The following RNF150 variants were observed in gnomAD, a reference collection of about 807,000 sequenced individuals.
The protein encoded by RNF150 is ring finger protein 150.
RNF150 carries 24 observed loss-of-function variants against 39.3 expected under a neutral mutation model. The observed-to-expected ratio is 0.61, with a 90% CI of 0.44 to 0.86. RNF150 has a LOEUF of 0.86. Ranked by LOEUF, RNF150 falls within the 40% of genes least tolerant of loss-of-function variation. RNF150 has a pLI of 0.00. For synonymous variants in RNF150, 255 were observed against 227.3 expected (o/e 1.12, Z -1.10); for missense variants, 502 against 587.8 (o/e 0.85, Z 1.51).
chr4:141,056,119 A>T (rs2110904853), intron 1 of RNF150, among the ~76,000 whole-genome samples: 1 of 152,350 alleles, frequency 6.6e-6, no homozygotes, highest in African/African-American at 2.4e-5. Flanking sequence ...TTATATTCCT[A>T]TTTTAAGATA....
At chr4:141,155,071 A>G (rs1278129737) in intron 1 of RNF150, among the ~76,000 whole-genome samples, 1 of 151,866 alleles carries the variant, frequency 6.6e-6, no homozygotes, top group Non-Finnish European at 1.5e-5. Context: ...ACATTTGGAG[A>G]GGAGAGCTTT....
At chr4:140,985,192 C>T (rs1449194369) in intron 1 of RNF150, among the ~76,000 whole-genome samples, 3 of 152,118 alleles carry the variant, frequency 2.0e-5, no homozygotes, top group Admixed American at 2.0e-4. Context: ...AGAAAGAAAA[C>T]AGCGAATGCA....
At chr4:140,871,046 C>T (rs1245538232) in intron 6 of RNF150, among the ~76,000 whole-genome samples, 2 of 151,008 alleles carry the variant, frequency 1.3e-5, no homozygotes, top group Non-Finnish European at 3.0e-5. Flanking sequence ...ACACTTTATA[C>T]TTATGAGAAC....
intron 1 of RNF150, among the ~76,000 whole-genome samples, chr4:141,124,615 G>A (rs977241064): frequency 1.3e-5 from 2 of 152,096 alleles, no homozygotes; most frequent in African/African-American, 4.8e-5. Context: ...TAGATAGTGG[G>A]GAACAGAAAA....
chr4:141,157,733 A>T (rs2111152389), intron 1 of RNF150, among the ~76,000 whole-genome samples: 1 of 152,294 alleles, frequency 6.6e-6, no homozygotes, highest in Non-Finnish European at 1.5e-5. Flanking sequence ...ACCACCTCCT[A>T]TTTGCAACGT....
At chr4:140,996,085 T>C (rs1373790534) in intron 1 of RNF150, among the ~76,000 whole-genome samples, 1 of 152,216 alleles carries the variant, frequency 6.6e-6, no homozygotes, top group Non-Finnish European at 1.5e-5. Flanking sequence ...ACTAATTACA[T>C]TTCCAGCAAC....
chr4:140,999,958 A>C lies in RNF150; in HGVS notation c.485-32085T>G, dbSNP rs200651588. 8.2e-5 allele frequency among the ~76,000 whole-genome samples: 3 copies of C among 36,432 alleles called. No individual in the cohort carries two copies. In the East Asian group the frequency reaches 2.5e-3, roughly 31 times the overall value. 23.9% of individuals were successfully genotyped at this position (36,432 alleles called of 152,430 possible). ...GTCTCAAAAAAAGAAGAAGAAGAAG[A>C]AGAAGAAGAAGAAGAAGAAAAGAAG... is the stretch of plus-strand genomic sequence containing the variant. On this transcript the variant is annotated intron_variant, in intron 1 of 6. Coordinates refer to ENST00000515673, the MANE Select transcript of RNF150 (RefSeq NM_020724.2).
Position 140,860,836 on chromosome 4 carries a change from T to C in RNF150, c.*7425A>G, listed in dbSNP as rs1560934630. On this transcript the variant is annotated 3_prime_UTR_variant, in exon 7 of 7. Coordinates refer to ENST00000515673, the MANE Select transcript of RNF150 (RefSeq NM_020724.2). ...TTTTGCAACTGGCAATTGCTGGTTATTGTCTGCAGTCTACAAAACTGAGTA... is the reference window on the plus strand; with the variant it reads ...TTTTGCAACTGGCAATTGCTGGTTACTGTCTGCAGTCTACAAAACTGAGTA... 1 of 152,318 alleles carries C rather than the reference T, an allele frequency of 6.6e-6. No homozygotes were observed. The allele number at this position is 152,318 out of a possible 1,614,324, so 9.4% of individuals were successfully genotyped here. A position where few individuals can be genotyped will look rare whatever the true frequency, so the allele number is the denominator to read the frequency against.
chr4:141,153,921 A>G (rs370861321), intron 1 of RNF150, among the ~76,000 whole-genome samples: 14 of 152,166 alleles, frequency 9.2e-5, no homozygotes, highest in African/African-American at 3.1e-4. Flanking sequence ...CTCTCGAGTT[A>G]GTTTGCTGAG....
chr4:141,020,994 T>C (rs377278557), intron 1 of RNF150, among the ~76,000 whole-genome samples: 2 of 152,266 alleles, frequency 1.3e-5, no homozygotes, highest in African/African-American at 4.8e-5. Context: ...GACCTCAGAA[T>C]AGAACTGGGC....
intron 1 of RNF150, among the ~76,000 whole-genome samples, chr4:141,055,795 G>A (rs1278815960): frequency 6.6e-6 from 1 of 152,186 alleles, no homozygotes; most frequent in Non-Finnish European, 1.5e-5. Flanking sequence ...TATAATATCT[G>A]AGGATTTTCT....
At chr4:141,150,748 C>T (rs1727283350) in intron 1 of RNF150, among the ~76,000 whole-genome samples, 1 of 152,162 alleles carries the variant, frequency 6.6e-6, no homozygotes, top group South Asian at 2.1e-4. Flanking sequence ...CTACCTCCTA[C>T]TAGAATGTAA....
chr4:141,053,391 T>C (rs1736852523), intron 1 of RNF150, among the ~76,000 whole-genome samples: 1 of 152,110 alleles, frequency 6.6e-6, no homozygotes, highest in South Asian at 2.1e-4. Context: ...CAAATGGATA[T>C]TAGCAAAATC....
In RNF150 at chr4:140,866,546, C is replaced by T. The variant is rs1298471013; in HGVS notation, c.*1715G>A. 6.6e-6 allele frequency: 1 copy of T among 152,160 alleles called. No homozygotes were observed. The allele number at this position is 152,160 out of a possible 1,614,324, so 9.4% of individuals were successfully genotyped here. A position where few individuals can be genotyped will look rare whatever the true frequency, so the allele number is the denominator to read the frequency against. ...CCTTGCCTTACTGTCTACTTACAAA[C>T]CATCAAATAGGAAATTGGTAAAGGT... On this transcript the variant is annotated 3_prime_UTR_variant, in exon 7 of 7. Coordinates refer to ENST00000515673, the MANE Select transcript of RNF150 (RefSeq NM_020724.2).
chr4:141,011,099 C>T (rs1189474374), intron 1 of RNF150, among the ~76,000 whole-genome samples: 1 of 151,976 alleles, frequency 6.6e-6, no homozygotes, highest in Admixed American at 6.6e-5. Context: ...TTTCGTATTA[C>T]TCTCTTCTCA....
intron 1 of RNF150, among the ~76,000 whole-genome samples, chr4:141,015,116 A>G (rs991406261): frequency 1.3e-5 from 2 of 152,172 alleles, no homozygotes; most frequent in African/African-American, 4.8e-5. Context: ...TTTGTCATAA[A>G]TAAGGTGACT....
chr4:140,912,945 C>T (rs13135760), intron 5 of RNF150, among the ~76,000 whole-genome samples: 82,901 of 146,550 alleles, frequency 0.57, 23,511 homozygotes, highest in East Asian at 0.9. Flanking sequence ...AGTCTGCACT[C>T]TCTCATCAGA....
chr4:141,072,855 A>T (rs1316612210), intron 1 of RNF150, among the ~76,000 whole-genome samples: 1 of 152,096 alleles, frequency 6.6e-6, no homozygotes, highest in East Asian at 1.9e-4. Flanking sequence ...AAAGTCTCAA[A>T]ACAAAAAAGG....
rs141957520 is a variant in RNF150, at chr4:140,877,339, G to A, written c.1199-8960C>T. ...AGTTTTTTTTTACAATGCCCAATTA[G>A]TACCACCTATTGAGAACCTTAAACA... On this transcript the variant is annotated intron_variant, in intron 6 of 6. Transcript: ENST00000515673. Among the ~76,000 whole-genome samples, 30 of 152,276 alleles carry A rather than the reference G, an allele frequency of 2.0e-4. 2 individuals carry two copies. The East Asian group carries it at 5.6e-3, about 28-fold the overall frequency.
Sources: allele counts gnomAD v4.1 joint callset (sites outside exome capture counted in the v4.1 genomes callset), GRCh38; gene constraint gnomAD v4.1.1; transcripts MANE v1.5; gene names NCBI Gene and HGNC (gene_info 2026-07-23, HGNC 2026-07-21).